The following ANK3 variants were observed in gnomAD, a reference collection of about 807,000 sequenced individuals.
The protein encoded by ANK3 is ankyrin-3.
In ANK3, 57 loss-of-function variants were observed where a neutral mutation model predicts 370.9. The observed-to-expected ratio is 0.15, with a 90% CI of 0.12 to 0.19. The LOEUF (loss-of-function observed/expected upper bound fraction) is 0.19. ANK3 is among the 10% of genes least tolerant of loss of function. The pLI is 1.00. For missense variants in ANK3, 4,439 were observed against 5,302.1 expected, an observed-to-expected ratio of 0.84 and a Z score of 5.06; for synonymous variants, 1,929 against 1,946.3, an observed-to-expected ratio of 0.99 and a Z score of 0.23.
chr10:60,701,139 G>GA (rs2079540591), intron 1 of ANK3, among the ~76,000 whole-genome samples: 1 of 151,500 alleles, frequency 6.6e-6, no homozygotes, highest in Admixed American at 6.6e-5. Flanking sequence ...TTACTTATAT[G>GA]AAAAAAAGGT....
Position 60,389,496 on chromosome 10 carries a change from C to T in ANK3, c.43G>A (p.Glu15Lys). The T allele has an allele frequency of 6.2e-7, 1 of 1,613,910 alleles. No individual in the cohort carries two copies. The highest frequency in any genetic ancestry group is 8.5e-7 in the Non-Finnish European group (1 of 1,179,936). Reference protein sequence around the residue: ...ASQLKKNRDLEINAEEEPEKK... With the variant: ...ASQLKKNRDLKINAEEEPEKK... ...TCAGGCTCTTCTTCAGCATTGATTT[C>T]TAAATCCCTGTTTTTCTTTAATTGT... The change falls in exon 1 of 44, where the codon GAA (glutamate) becomes AAA (lysine). Residue 15 changes from glutamate (E) to lysine (K), a missense_variant. By Grantham distance (56) the Glu-to-Lys change is moderately conservative. Around this residue, in one of 13 missense-constraint regions of ANK3, gnomAD observed 54 missense variants for 52.7 expected, o/e 1.02. Coordinates refer to ENST00000280772, the MANE Select transcript of ANK3 (RefSeq NM_020987.5).
At chr10:60,167,389 CAAT>C (rs1294517247) in intron 21 of ANK3, among the ~76,000 whole-genome samples, 1 of 152,150 alleles carries the variant, frequency 6.6e-6, no homozygotes, top group Admixed American at 6.5e-5. Flanking sequence ...ATATTTACAA[CAAT>C]AATCTTTACA....
At chr10:60,084,567 G>A (rs768362949) in intron 32 of ANK3, 35 bp downstream of exon 32, 11 of 1,537,630 alleles carry the variant, frequency 7.2e-6, no homozygotes, top group East Asian at 4.5e-5. Context: ...TCTGGAGTAC[G>A]TAATGAAATG....
intron 1 of ANK3, among the ~76,000 whole-genome samples, chr10:60,333,029 C>T (rs934208948): frequency 6.6e-6 from 1 of 152,066 alleles, no homozygotes; most frequent in East Asian, 1.9e-4. Context: ...AGTATAAAAA[C>T]ATACAATTTT....
intron 1 of ANK3, among the ~76,000 whole-genome samples, chr10:60,324,682 C>T (rs1328197205): frequency 1.3e-5 from 2 of 152,034 alleles, no homozygotes; most frequent in Non-Finnish European, 2.9e-5. Flanking sequence ...TTTTGGAGCG[C>T]TCTCCCTTTG....
rs368696018 is a variant in ANK3 at position 60,043,497 on chromosome 10, G to A, written c.13066-738C>T. The A allele has an allele frequency of 6.1e-6, 6 of 985,264 alleles. No individual in the cohort carries two copies. The East Asian group carries it at 3.4e-4, about 56-fold the overall frequency. 61.0% of individuals were successfully genotyped at this position (985,264 alleles called of 1,614,324 possible). A position where few individuals can be genotyped will look rare whatever the true frequency, so the allele number is the denominator to read the frequency against. On this transcript the variant is annotated intron_variant, in intron 42 of 43. Transcript: ENST00000280772. Reference sequence around the variant, plus strand: ...CAGAGATGTTTTCTCTGAGAGAAAGGGGTTGACTGGAGGGATTCTTTAACT... The same window carrying A: ...CAGAGATGTTTTCTCTGAGAGAAAGAGGTTGACTGGAGGGATTCTTTAACT...
intron 2 of ANK3, among the ~76,000 whole-genome samples, chr10:60,492,941 G>A (rs1287822090): frequency 5.5e-5 from 8 of 145,558 alleles, no homozygotes; most frequent in African/African-American, 2.0e-4. Context: ...TTAGCCGGGT[G>A]TAGTGGCAGG....
At chr10:60,314,597 T>C (rs1190144441) in intron 1 of ANK3, among the ~76,000 whole-genome samples, 1 of 152,126 alleles carries the variant, frequency 6.6e-6, no homozygotes, top group Non-Finnish European at 1.5e-5. Context: ...AACAATCCCA[T>C]GAATATACAA....
At chr10:60,034,292 C>T (rs903506351) in intron 43 of ANK3, among the ~76,000 whole-genome samples, 5 of 151,736 alleles carry the variant, frequency 3.3e-5, no homozygotes, top group Non-Finnish European at 5.9e-5. Flanking sequence ...ATTTTTGGTA[C>T]AGATGGGGTT....
chr10:60,039,144 A>C (rs548764746), intron 43 of ANK3, among the ~76,000 whole-genome samples: 3 of 152,352 alleles, frequency 2.0e-5, no homozygotes, highest in Non-Finnish European at 4.4e-5. Flanking sequence ...TAGTCCTTCC[A>C]CTTTAAGCCA....
chr10:60,232,145 G>A (rs140946268), intron 8 of ANK3, among the ~76,000 whole-genome samples: 7 of 152,090 alleles, frequency 4.6e-5, no homozygotes, highest in African/African-American at 1.7e-4. Flanking sequence ...CCCATTGAAC[G>A]AAATAGGACA....
At chr10:60,446,158 G>T (rs1423581942) in intron 2 of ANK3, among the ~76,000 whole-genome samples, 1 of 152,098 alleles carries the variant, frequency 6.6e-6, no homozygotes, top group Non-Finnish European at 1.5e-5. Context: ...TTTAAGCCAT[G>T]GAGGATTTTG....
chr10:60,611,958 A>T (rs1382717765), intron 2 of ANK3, among the ~76,000 whole-genome samples: 1 of 151,988 alleles, frequency 6.6e-6, no homozygotes, highest in South Asian at 2.1e-4. Flanking sequence ...TTTTATTTTT[A>T]TTGACACTCT....
chr10:60,310,985 C>G (rs959023246), intron 1 of ANK3, among the ~76,000 whole-genome samples: 1 of 152,122 alleles, frequency 6.6e-6, no homozygotes, highest in African/African-American at 2.4e-5. Flanking sequence ...TTCCAGCCAC[C>G]TTTAATCTCC....
At chr10:60,368,048 CT>C (rs2059621534) in intron 1 of ANK3, among the ~76,000 whole-genome samples, 1 of 152,092 alleles carries the variant, frequency 6.6e-6, no homozygotes, top group Non-Finnish European at 1.5e-5. Context: ...TCATTGTATA[CT>C]CCACGTGTTG....
chr10:60,332,365 C>T (rs1315545994), intron 1 of ANK3, among the ~76,000 whole-genome samples: 4 of 152,200 alleles, frequency 2.6e-5, no homozygotes, highest in African/African-American at 9.7e-5. Flanking sequence ...TTTAGAAGCT[C>T]ACCTCATATC....
At chr10:60,217,029 C>T (rs1435991393) in intron 8 of ANK3, among the ~76,000 whole-genome samples, 1 of 152,006 alleles carries the variant, frequency 6.6e-6, no homozygotes, top group Non-Finnish European at 1.5e-5. Context: ...ACCATTTTTT[C>T]TAGATTTTCC....
chr10:60,355,865 C>T (rs1015698887), intron 1 of ANK3, among the ~76,000 whole-genome samples: 1 of 120,760 alleles, frequency 8.3e-6, no homozygotes, highest in Non-Finnish European at 2.0e-5. Context: ...TTCTTCCTTC[C>T]TTCATTTATC....
chr10:60,503,348 A>ATTTATTGATCATT (rs923090114), intron 2 of ANK3, among the ~76,000 whole-genome samples: 1 of 152,226 alleles, frequency 6.6e-6, no homozygotes, highest in Admixed American at 6.5e-5. Flanking sequence ...TAGAGGTGAC[A>ATTTATTGATCATT]TTTATTGATC....
Sources: gnomAD v4.1 joint callset for allele counts (sites outside exome capture counted in the v4.1 genomes callset) on GRCh38, gnomAD v4.1.1 for gene constraint, gnomAD v4.1.1 regional missense constraint, MANE v1.5 for transcripts, NCBI Gene and HGNC (gene_info 2026-07-23, HGNC 2026-07-21) for gene names.